Variants in ARPC5L observed in about 807,000 individuals in gnomAD.
ARPC5L encodes actin related protein 2/3 complex subunit 5 like.
ARPC5L carries 4 observed loss-of-function variants against 16.9 expected under a neutral mutation model. The ratio of observed to expected loss-of-function variants is 0.24; its 90% CI spans 0.12 to 0.54. ARPC5L has a LOEUF of 0.54. Ranked by LOEUF, ARPC5L falls within the 20% of genes least tolerant of loss-of-function variation. The pLI is 0.95. For synonymous variants in ARPC5L, 78 were observed against 82.6 expected (o/e 0.94, Z 0.30); for missense variants, 151 against 201.9 (o/e 0.75, Z 1.53).
At position 124,869,241 on chromosome 9, in the gene ARPC5L, C is replaced by T. The variant is rs1321708333; in HGVS notation, c.-50C>T. The stretch of plus-strand genomic sequence containing the variant: ...GGAGCCGGTGCGAGCGGAGCAGAGC[C>T]GAGGTCGGGCCGCGAGCGGAGCCGG... On this transcript the variant is annotated 5_prime_UTR_variant, in exon 3 of 6. Coordinates refer to ENST00000353214, the MANE Select transcript of ARPC5L (RefSeq NM_030978.3). 198 of 1,476,930 alleles carry T rather than the reference C, an allele frequency of 1.3e-4. 1 individual carries two copies. In the East Asian group the frequency reaches 4.5e-3, roughly 34 times the overall value. The allele number at this position is 1,476,930 out of a possible 1,614,324, so 91.5% of individuals were successfully genotyped here. A position where few individuals can be genotyped will look rare whatever the true frequency, so the allele number is the denominator to read the frequency against.
chr9:124,867,686 G>A (rs1829291855), intron 2 of ARPC5L, among the ~76,000 whole-genome samples: 1 of 152,066 alleles, frequency 6.6e-6, no homozygotes, highest in African/African-American at 2.4e-5. Context: ...GATGTTCTGG[G>A]GATATGAATT....
chr9:124,873,406 C>G (rs1829387882), intron 3 of ARPC5L: 1 of 468,546 alleles, frequency 2.1e-6, no homozygotes, highest in Non-Finnish European at 3.9e-6. Flanking sequence ...CAAGCAGGTG[C>G]AAGTGAGCAC....
chr9:124,876,421 G>GAA (rs1829436424), intron 5 of ARPC5L, among the ~76,000 whole-genome samples: 1 of 152,070 alleles, frequency 6.6e-6, no homozygotes, highest in African/African-American at 2.4e-5. Context: ...GGGGAGGCAG[G>GAA]GTTGCAGTGA....
chr9:124,871,015 A>G (rs1287885889), intron 3 of ARPC5L, among the ~76,000 whole-genome samples: 1 of 152,224 alleles, frequency 6.6e-6, no homozygotes, highest in Non-Finnish European at 1.5e-5. Flanking sequence ...AGGTTAACGG[A>G]TAAAGGTAAC....
rs1236065047 is a variant in ARPC5L, at chr9:124,875,236, G to A, written c.399+85G>A. The stretch of plus-strand genomic sequence containing the variant: ...GCAGGCCAGATTTTCCAGAACAAAC[G>A]TAGGACGGTCTGATAGGCGTGTGGG... On this transcript the variant is annotated intron_variant, in intron 5 of 5. Transcript: ENST00000353214. 13 of 1,478,504 alleles carry A rather than the reference G, an allele frequency of 8.8e-6. No homozygotes were observed. In the African/African-American group the frequency reaches 9.7e-5, roughly 11 times the overall value. 91.6% of individuals were successfully genotyped at this position (1,478,504 alleles called of 1,614,324 possible).
At position 124,869,175 on chromosome 9, in the gene ARPC5L, GTGC is replaced by G; in HGVS notation, c.-113_-111del. The G allele has an allele frequency of 8.4e-7, 1 of 1,192,654 alleles. No individual in the cohort carries two copies. The highest frequency in any genetic ancestry group is 3.3e-5 in the East Asian group (1 of 30,746). The allele number at this position is 1,192,654 out of a possible 1,614,324, so 73.9% of individuals were successfully genotyped here. A position where few individuals can be genotyped will look rare whatever the true frequency, so the allele number is the denominator to read the frequency against. Reference sequence around the variant, plus strand: ...GCTGCGCGCGGAGGCGGTGGAGGAGGTGCTGGGAGCAGCCGGGCAGCCGCTTCC... The same window carrying G: ...GCTGCGCGCGGAGGCGGTGGAGGAGGTGGGAGCAGCCGGGCAGCCGCTTCC... On this transcript the variant is annotated 5_prime_UTR_variant, in exon 3 of 6. Coordinates refer to ENST00000353214, the MANE Select transcript of ARPC5L (RefSeq NM_030978.3).
chr9:124,875,948 C>T (rs894597928), intron 5 of ARPC5L, among the ~76,000 whole-genome samples: 2 of 152,112 alleles, frequency 1.3e-5, no homozygotes, highest in Admixed American at 1.3e-4. Flanking sequence ...GGGTGTGCTG[C>T]ACCTCCTTGG....
At chr9:124,872,967 G>A (rs866154881) in intron 3 of ARPC5L, 3 of 152,254 alleles carry the variant, frequency 2.0e-5, no homozygotes, top group African/African-American at 4.8e-5. Context: ...TGTTTCATAC[G>A]AGGAAATGAA....
Position 124,873,748 on chromosome 9 carries a change from A to G in ARPC5L, c.206A>G (p.Lys69Arg), listed in dbSNP as rs758502389. Residue 69 changes from lysine (K) to arginine (R), a missense_variant, in exon 4 of 6, where the codon AAG becomes AGG. Lys to Arg is a conservative substitution (Grantham distance 26). Coordinates refer to ENST00000353214, the MANE Select transcript of ARPC5L (RefSeq NM_030978.3). ...TTGCGGAACTCTCCCGTCAACACCA[A>G]GAATCAAGCTGTGAAGGTAAAGGGG... ...AALRNSPVNT[K>R]NQAVKERAQG... 1.2e-6 allele frequency: 2 copies of G among 1,614,220 alleles called. No individual in the cohort carries two copies. Among genetic ancestry groups the G allele is most frequent in the Non-Finnish European group, 1.7e-6 (2 of 1,180,042 alleles).
chr9:124,865,087 C>A (rs906507323), intron 2 of ARPC5L, among the ~76,000 whole-genome samples: 30 of 152,270 alleles, frequency 2.0e-4, no homozygotes, highest in African/African-American at 7.0e-4. Flanking sequence ...CTGTCTCGGC[C>A]TCCCAAAGTG....
At position 124,869,112 on chromosome 9, in the gene ARPC5L, C is replaced by A; in HGVS notation, c.-179C>A. 1 of 707,250 alleles carries A rather than the reference C, an allele frequency of 1.4e-6. No individual in the cohort carries two copies. Among genetic ancestry groups the A allele is most frequent in the Non-Finnish European group, 2.0e-6 (1 of 503,648 alleles). 43.8% of individuals were successfully genotyped at this position (707,250 alleles called of 1,614,324 possible). ...TCCGCCCCGCCCCTGACGGCGCTTC[C>A]GGATCCGGCGGGTGCCGGAAGTGGG... On this transcript the variant is annotated 5_prime_UTR_variant, in exon 3 of 6. Coordinates refer to ENST00000353214, the MANE Select transcript of ARPC5L (RefSeq NM_030978.3).
chr9:124,864,542 A>C (rs894817707), intron 2 of ARPC5L, among the ~76,000 whole-genome samples: 1 of 151,746 alleles, frequency 6.6e-6, no homozygotes, highest in Non-Finnish European at 1.5e-5. Context: ...TTGTTTTTTT[A>C]GTAGAGACGG....
At chr9:124,866,746 C>A (rs1358807424) in intron 2 of ARPC5L, among the ~76,000 whole-genome samples, 2 of 152,096 alleles carry the variant, frequency 1.3e-5, no homozygotes, top group African/African-American at 4.8e-5. Context: ...ATTTACCCAG[C>A]TTGTTCCCAC....
chr9:124,869,297 C>G lies in ARPC5L; in HGVS notation c.7C>G (p.Arg3Gly). 6.6e-7 allele frequency: 1 copy of G among 1,525,386 alleles called. No homozygotes were observed. The allele number at this position is 1,525,386 out of a possible 1,614,324, so 94.5% of individuals were successfully genotyped here. Residue 3 changes from arginine to glycine, a missense_variant, in exon 3 of 6, where the codon CGG becomes GGG. Physicochemically the swap from Arg to Gly is moderately radical, Grantham distance 125. Coordinates refer to ENST00000353214, the MANE Select transcript of ARPC5L (RefSeq NM_030978.3). MA[R>G]NTLSSRFRRV... ...CGGGCGCCGAGCTCCCGCCATGGCC[C>G]GGAACACGCTGTCCTCGCGCTTCCG...
intron 1 of ARPC5L, among the ~76,000 whole-genome samples, chr9:124,863,650 A>G (rs1420496811): frequency 6.6e-6 from 1 of 152,194 alleles, no homozygotes. Context: ...GGCTCAAAAT[A>G]TCATTGGTGT....
intron 5 of ARPC5L, among the ~76,000 whole-genome samples, chr9:124,876,358 G>A (rs994610468): frequency 5.9e-5 from 9 of 152,206 alleles, no homozygotes; most frequent in South Asian, 2.1e-4. Flanking sequence ...GTGGTGGCGG[G>A]CGCCTGTAAT....
At chr9:124,863,630 G>A (rs951708606) in intron 1 of ARPC5L, among the ~76,000 whole-genome samples, 2 of 152,166 alleles carry the variant, frequency 1.3e-5, no homozygotes, top group Non-Finnish European at 2.9e-5. Context: ...GAAATCTGAC[G>A]CATAACAATG....
chr9:124,876,359 C>CAA, intron 5 of ARPC5L, among the ~76,000 whole-genome samples: 1 of 152,134 alleles, frequency 6.6e-6, no homozygotes, highest in South Asian at 2.1e-4. Flanking sequence ...TGGTGGCGGG[C>CAA]GCCTGTAATC....
intron 3 of ARPC5L, among the ~76,000 whole-genome samples, chr9:124,870,027 A>C (rs948855014): frequency 9.9e-5 from 15 of 152,134 alleles, no homozygotes; most frequent in Admixed American, 5.9e-4. Context: ...CTCTTCCCCC[A>C]GTCAGTCTAA....
Sources: allele counts gnomAD v4.1 joint callset (sites outside exome capture counted in the v4.1 genomes callset), GRCh38; gene constraint gnomAD v4.1.1; transcripts MANE v1.5; gene names NCBI Gene and HGNC (gene_info 2026-07-23, HGNC 2026-07-21).